ANKRD36C: variants seen among roughly 807,000 people sequenced by gnomAD.
ANKRD36C encodes ankyrin repeat domain-containing protein 36C.
Under a neutral mutation model 276.4 loss-of-function variants are expected in ANKRD36C, and 61 were observed. That is an observed-to-expected ratio of 0.22 (90% CI 0.18 to 0.27). The LOEUF (loss-of-function observed/expected upper bound fraction) is 0.27, where lower values mean the gene tolerates loss of function less well. ANKRD36C is among the 10% of genes least tolerant of loss of function. The probability of loss-of-function intolerance (pLI) is 1.00; values close to 1 mark genes in which losing one functional copy is unlikely to be tolerated. For missense variants in ANKRD36C, 1,447 were observed against 2,032.3 expected, an observed-to-expected ratio of 0.71 and a Z score of 5.54; for synonymous variants, 483 against 680.1, an observed-to-expected ratio of 0.71 and a Z score of 4.51.
chr2:95,920,486 T>A (rs1677233429), intron 34 of ANKRD36C, among the ~76,000 whole-genome samples: 1 of 132,700 alleles, frequency 7.5e-6, no homozygotes, highest in African/African-American at 2.6e-5. Context: ...GTAGATAATA[T>A]TCATTATCTC....
intron 44 of ANKRD36C, among the ~76,000 whole-genome samples, chr2:95,898,019 A>G (rs1307586555): frequency 2.0e-5 from 3 of 148,524 alleles, no homozygotes; most frequent in African/African-American, 7.4e-5. Flanking sequence ...GCTGATACCT[A>G]GTAGATAATA....
chr2:95,970,684 C>G (rs1374407666), intron 6 of ANKRD36C, among the ~76,000 whole-genome samples: 2 of 152,164 alleles, frequency 1.3e-5, no homozygotes, highest in African/African-American at 4.8e-5. Context: ...ATAATATAGA[C>G]TGTTTTCAAA....
intron 6 of ANKRD36C, among the ~76,000 whole-genome samples, chr2:95,976,970 A>G (rs1340331795): frequency 1.3e-5 from 2 of 151,862 alleles, no homozygotes; most frequent in Non-Finnish European, 2.9e-5. Flanking sequence ...GAAAGTTCAC[A>G]TTCCCAGGGT....
intron 61 of ANKRD36C, among the ~76,000 whole-genome samples, chr2:95,859,450 C>G (rs62156918): frequency 9.2e-5 from 14 of 151,472 alleles, no homozygotes; most frequent in Admixed American, 1.3e-4. Context: ...GATCAAAGAT[C>G]TAAAACAGAT....
intron 48 of ANKRD36C, among the ~76,000 whole-genome samples, chr2:95,889,278 CA>C (rs1259416242): frequency 4.0e-5 from 6 of 151,540 alleles, no homozygotes; most frequent in Non-Finnish European, 8.9e-5. Context: ...GAGGTTTCCT[CA>C]GCAGAAATCC....
At chr2:95,948,680 C>T in intron 16 of ANKRD36C, 84 bp from the exon 17 acceptor site, 4 of 1,232,854 alleles carry the variant, frequency 3.2e-6, no homozygotes, top group Non-Finnish European at 3.3e-6. Flanking sequence ...CATGCAGGTC[C>T]CCTCCAAAAC....
chr2:95,963,976 T>A (rs189459317), intron 6 of ANKRD36C, among the ~76,000 whole-genome samples: 416 of 27,514 alleles, frequency 0.015, 2 homozygotes, highest in Admixed American at 0.031. Flanking sequence ...TATATAAATA[T>A]ATATATATAT....
intron 22 of ANKRD36C, among the ~76,000 whole-genome samples, chr2:95,937,039 A>C (rs866025925): frequency 8.7e-4 from 129 of 147,704 alleles, no homozygotes; most frequent in African/African-American, 3.1e-3. Context: ...TCAGCAAACT[A>C]TGTTACATAT....
intron 34 of ANKRD36C, 70 bp from the exon 37 acceptor site, chr2:95,918,112 T>C (rs1339142835): frequency 1.3e-6 from 2 of 1,564,776 alleles, no homozygotes; most frequent in East Asian, 2.3e-5. Flanking sequence ...ATTCACACAG[T>C]GTTAGCATCA....
At chr2:95,875,083 G>A (rs1199359149) in intron 59 of ANKRD36C, among the ~76,000 whole-genome samples, 1 of 152,162 alleles carries the variant, frequency 6.6e-6, no homozygotes, top group Non-Finnish European at 1.5e-5. Flanking sequence ...CTGTTGGTGG[G>A]ACTGTAAACT....
intron 24 of ANKRD36C, among the ~76,000 whole-genome samples, chr2:95,930,825 A>C (rs1237941817): frequency 1.1e-4 from 16 of 151,492 alleles, no homozygotes; most frequent in Non-Finnish European, 2.4e-4. Context: ...GCTTTCCAAA[A>C]AAAAAACAAA....
intron 13 of ANKRD36C, among the ~76,000 whole-genome samples, chr2:95,956,024 G>A (rs200139369): frequency 8.1e-4 from 114 of 141,098 alleles, no homozygotes; most frequent in Non-Finnish European, 1.2e-3. Flanking sequence ...AAGGAAAAAA[G>A]AAGAATCCAA....
chr2:95,879,042 A>G (rs1395072442), intron 58 of ANKRD36C, among the ~76,000 whole-genome samples: 1 of 152,260 alleles, frequency 6.6e-6, no homozygotes, highest in Non-Finnish European at 1.5e-5. Flanking sequence ...CACAATAGCC[A>G]TAATTTGGAA....
At chr2:95,961,620 G>T (rs534751419) in intron 8 of ANKRD36C, among the ~76,000 whole-genome samples, 6 of 152,058 alleles carry the variant, frequency 3.9e-5, no homozygotes, top group South Asian at 2.1e-4. Context: ...GCCAATATAT[G>T]CATATTCATG....
Position 95,915,878 on chromosome 2 carries a change from A to T in ANKRD36C, c.2449+102T>A, listed in dbSNP as rs908646116. 1.1e-5 allele frequency: 16 copies of T among 1,422,524 alleles called. No homozygotes were observed. In the Admixed American group the frequency reaches 1.2e-4, roughly 11 times the overall value. 88.1% of individuals were successfully genotyped at this position (1,422,524 alleles called of 1,614,324 possible). On this transcript the variant is annotated intron_variant, in intron 38 of 66. Coordinates refer to ENST00000456556, the Ensembl canonical transcript of ANKRD36C. ...GAAATGAAGAATCTCAGGCCTGTTG[A>T]ATCAGAATGTGCAGCTTCGACCAGC...
At chr2:95,983,595 T>TTATA (rs1678967185) in intron 3 of ANKRD36C, among the ~76,000 whole-genome samples, 3 of 149,992 alleles carry the variant, frequency 2.0e-5, no homozygotes, top group African/African-American at 4.9e-5. Context: ...ATTTATTTAT[T>TTATA]TATTTATTTA....
chr2:95,862,810 C>G lies in ANKRD36C; in HGVS notation c.3683-2736G>C, dbSNP rs372608247. Among the ~76,000 whole-genome samples the G allele has an allele frequency of 7.2e-5, 11 of 152,130 alleles. No individual in the cohort carries two copies. The East Asian group carries it at 9.6e-4, about 13-fold the overall frequency. ...AAAGCCCTAATGAATGGGATTAGTA[C>G]TTAGTGCTCTTATACAACAGACCCC... On this transcript the variant is annotated intron_variant, in intron 60 of 66. Coordinates refer to ENST00000456556, the Ensembl canonical transcript of ANKRD36C.
chr2:95,943,545 A>AT (rs1677955754), intron 19 of ANKRD36C, among the ~76,000 whole-genome samples: 1 of 150,624 alleles, frequency 6.6e-6, no homozygotes, highest in African/African-American at 2.4e-5. Context: ...ATTAATTTTT[A>AT]TTATTTTTTA....
chr2:95,933,616 C>T (rs1022514280), intron 24 of ANKRD36C, among the ~76,000 whole-genome samples: 2 of 152,272 alleles, frequency 1.3e-5, no homozygotes, highest in African/African-American at 4.8e-5. Context: ...GATTTTTGCA[C>T]ACTGATTTTG....
Sources: gnomAD v4.1 joint callset for allele counts (sites outside exome capture counted in the v4.1 genomes callset) on GRCh38, gnomAD v4.1.1 for gene constraint, MANE v1.5 for transcripts, NCBI Gene and HGNC (gene_info 2026-07-23, HGNC 2026-07-21) for gene names.